Variants in FAM171A1 observed in about 807,000 individuals in gnomAD.
The protein encoded by FAM171A1 is protein FAM171A1.
FAM171A1 carries 23 observed loss-of-function variants against 74.9 expected under a neutral mutation model. That is an observed-to-expected ratio of 0.31 (90% CI 0.22 to 0.44). The LOEUF (loss-of-function observed/expected upper bound fraction) is 0.44, where lower values mean the gene tolerates loss of function less well. Among genes scored for constraint, FAM171A1 ranks in the 20% least tolerant of loss-of-function variants. FAM171A1 has a pLI of 1.00. For synonymous variants in FAM171A1, 527 were observed against 505.7 expected, an observed-to-expected ratio of 1.04 and a Z score of -0.57; for missense variants, 1,162 against 1,159.2, an observed-to-expected ratio of 1.00 and a Z score of -0.03.
chr10:15,329,672 T>C (rs1334773049), intron 1 of FAM171A1, among the ~76,000 whole-genome samples: 6 of 147,338 alleles, frequency 4.1e-5, no homozygotes, highest in Admixed American at 2.7e-4. Context: ...TAAGAACAAG[T>C]AACACAGCTT....
At chr10:15,335,191 C>G (rs1835686183) in intron 1 of FAM171A1, among the ~76,000 whole-genome samples, 1 of 152,184 alleles carries the variant, frequency 6.6e-6, no homozygotes, top group African/African-American at 2.4e-5. Context: ...TTGCAGTGAG[C>G]AGAGATCATG....
intron 1 of FAM171A1, among the ~76,000 whole-genome samples, chr10:15,293,583 G>A (rs1450495374): frequency 6.6e-6 from 1 of 151,662 alleles, no homozygotes; most frequent in South Asian, 2.1e-4. Context: ...CAAAGATGAG[G>A]TTAATCTGAT....
At chr10:15,354,601 G>T (rs1835913353) in intron 1 of FAM171A1, among the ~76,000 whole-genome samples, 1 of 152,196 alleles carries the variant, frequency 6.6e-6, no homozygotes, top group African/African-American at 2.4e-5. Context: ...GAAGCACCGA[G>T]TCCGATCTGT....
rs528819717 is a variant in FAM171A1 at position 15,244,676 on chromosome 10, G to T, written c.754+3963C>A. On this transcript the variant is annotated intron_variant, in intron 5 of 7. Coordinates refer to ENST00000378116, the MANE Select transcript of FAM171A1 (RefSeq NM_001010924.2). ...TTGGTGAGGGCATAGGGAGTAACTG[G>T]TACCCACACAGACTTGGTGAAGGTG... 2.0e-5 allele frequency among the ~76,000 whole-genome samples: 3 copies of T among 152,276 alleles called. No individual in the cohort carries two copies. In the South Asian group the frequency reaches 6.2e-4, roughly 32 times the overall value.
chr10:15,295,282 C>T (rs542270733), intron 1 of FAM171A1, among the ~76,000 whole-genome samples: 1 of 152,096 alleles, frequency 6.6e-6, no homozygotes, highest in Non-Finnish European at 1.5e-5. Context: ...TAATGCATAC[C>T]TTTTGTTATT....
intron 1 of FAM171A1, among the ~76,000 whole-genome samples, chr10:15,326,251 T>A (rs1280230186): frequency 1.3e-5 from 2 of 152,168 alleles, no homozygotes; most frequent in Non-Finnish European, 2.9e-5. Flanking sequence ...GCTCAGGAAG[T>A]AATTAAAAAT....
intron 3 of FAM171A1, among the ~76,000 whole-genome samples, chr10:15,256,587 A>T (rs1421176488): frequency 6.6e-6 from 1 of 152,152 alleles, no homozygotes; most frequent in Admixed American, 6.5e-5. Context: ...CTAGCTCCAG[A>T]CCATCGATTC....
intron 1 of FAM171A1, among the ~76,000 whole-genome samples, chr10:15,284,508 G>C (rs753711832): frequency 2.0e-5 from 3 of 151,928 alleles, no homozygotes; most frequent in Admixed American, 6.6e-5. Flanking sequence ...CTGCAGTCTC[G>C]ATCTCCTGGG....
Position 15,263,155 on chromosome 10 carries a change from G to A in FAM171A1, c.419-8276C>T, listed in dbSNP as rs1333291621. On this transcript the variant is annotated intron_variant, in intron 3 of 7. Coordinates refer to ENST00000378116, the MANE Select transcript of FAM171A1 (RefSeq NM_001010924.2). ...GATGACAGTGCCCATGGGCAGCTGGGGGCATCTTGTCTGTATCTTCTTATT... is the reference window on the plus strand; with the variant it reads ...GATGACAGTGCCCATGGGCAGCTGGAGGCATCTTGTCTGTATCTTCTTATT... 3.9e-5 allele frequency among the ~76,000 whole-genome samples: 6 copies of A among 152,182 alleles called. No homozygotes were observed. In the East Asian group the frequency reaches 9.6e-4, roughly 24 times the overall value.
intron 1 of FAM171A1, among the ~76,000 whole-genome samples, chr10:15,345,221 G>A (rs949366420): frequency 1.3e-5 from 2 of 152,198 alleles, no homozygotes; most frequent in South Asian, 2.1e-4. Context: ...AAAACACTGC[G>A]CAGGACCAGA....
chr10:15,314,354 T>C lies in FAM171A1; in HGVS notation c.98-30249A>G, dbSNP rs1423780278. Among the ~76,000 whole-genome samples the C allele has an allele frequency of 4.6e-5, 7 of 152,222 alleles. 1 individual carries two copies. Among genetic ancestry groups the C allele is most frequent in the Non-Finnish European group, 8.8e-5 (6 of 68,042 alleles). ...CCAAATATCCAATTCTCAAACACAG[T>C]AGACCCCAGGCACTTGCAGAGTTTA... On this transcript the variant is annotated intron_variant, in intron 1 of 7. Transcript: ENST00000378116.
intron 1 of FAM171A1, among the ~76,000 whole-genome samples, chr10:15,327,060 G>A (rs184765298): frequency 3.5e-4 from 54 of 152,244 alleles, no homozygotes; most frequent in Middle Eastern, 3.4e-3. Flanking sequence ...AAAAATTAAT[G>A]TGAGCTGTAA....
At chr10:15,288,083 A>C (rs1235907845) in intron 1 of FAM171A1, among the ~76,000 whole-genome samples, 1 of 152,192 alleles carries the variant, frequency 6.6e-6, no homozygotes, top group Non-Finnish European at 1.5e-5. Flanking sequence ...GGTTGCTGCA[A>C]ATGTAATTAT....
rs776045179 is a variant in FAM171A1 at position 15,213,897 on chromosome 10, C to T, written c.1691G>A (p.Ser564Asn). The T allele has an allele frequency of 1.2e-6, 2 of 1,614,052 alleles. No individual in the cohort carries two copies. Among genetic ancestry groups the T allele is most frequent in the African/African-American group, 1.3e-5 (1 of 74,926 alleles). ...GCTGTCATTGACCTGGTCGACAGAA[C>T]TGCAGCAGATTAACTGGCCGGGCCG... ...FPRPGQLICC[S>N]SVDQVNDSVY... Residue 564 changes from serine (S) to asparagine (N), a missense_variant, in exon 8 of 8, where the codon AGT becomes AAT. Transcript: ENST00000378116. This position sits in a 1 kb window ranked among gnomAD's most constrained non-coding sequence, Gnocchi z 6.8.
intron 3 of FAM171A1, among the ~76,000 whole-genome samples, chr10:15,267,703 T>TGC (rs984987512): frequency 7.1e-6 from 1 of 140,234 alleles, no homozygotes; most frequent in Non-Finnish European, 1.5e-5. Context: ...CCCACTCAGG[T>TGC]GCTGGGTCCT....
chr10:15,243,965 T>C (rs1834397748), intron 5 of FAM171A1, among the ~76,000 whole-genome samples: 4 of 152,204 alleles, frequency 2.6e-5, no homozygotes, highest in Admixed American at 2.6e-4. Context: ...TTAGCCAGGA[T>C]GGTCTTGATC....
chr10:15,253,077 C>T (rs964258360), intron 4 of FAM171A1, among the ~76,000 whole-genome samples: 1 of 152,084 alleles, frequency 6.6e-6, no homozygotes, highest in Non-Finnish European at 1.5e-5. Context: ...GATCTTGGCT[C>T]ACTGCAACCT....
chr10:15,231,531 G>A (rs910819911), intron 5 of FAM171A1, among the ~76,000 whole-genome samples: 1 of 151,936 alleles, frequency 6.6e-6, no homozygotes, highest in African/African-American at 2.4e-5. Flanking sequence ...CGAGCTCCGG[G>A]TGATGCAGGT....
At chr10:15,334,233 GA>G (rs1835674672) in intron 1 of FAM171A1, among the ~76,000 whole-genome samples, 1 of 152,168 alleles carries the variant, frequency 6.6e-6, no homozygotes, top group African/African-American at 2.4e-5. Context: ...ATGAGAAATA[GA>G]AAAACAGAAA....
Sources: gnomAD v4.1 joint callset for allele counts (sites outside exome capture counted in the v4.1 genomes callset) on GRCh38, gnomAD v4.1.1 for gene constraint, Gnocchi (gnomAD v3.1) non-coding constraint, MANE v1.5 for transcripts, NCBI Gene and HGNC (gene_info 2026-07-23, HGNC 2026-07-21) for gene names.